Variants in PCDHGA7 observed in about 807,000 individuals in gnomAD.
PCDHGA7 encodes protocadherin gamma-A7.
PCDHGA7 carries 44 observed loss-of-function variants against 58.3 expected under a neutral mutation model. That is an observed-to-expected ratio of 0.75 (90% confidence interval 0.59 to 0.97). The LOEUF is 0.97. Ranked by LOEUF, PCDHGA7 falls within the 50% of genes least tolerant of loss-of-function variation. The pLI, the probability that PCDHGA7 is intolerant of heterozygous loss-of-function variation, is 0.00. For missense variants in PCDHGA7, 1,266 were observed against 1,188.7 expected (o/e 1.06, Z -0.96); for synonymous variants, 516 against 504.2 (o/e 1.02, Z -0.31).
intron 1 of PCDHGA7, chr5:141,409,895 C>T (rs928044268): frequency 2.5e-6 from 4 of 1,613,098 alleles, no homozygotes; most frequent in Non-Finnish European, 3.4e-6. Flanking sequence ...GGTGCTGTAC[C>T]CAGCTCTGGG....
chr5:141,394,177 C>T (rs2092934633), intron 1 of PCDHGA7: 1 of 1,613,912 alleles, frequency 6.2e-7, no homozygotes, highest in East Asian at 2.2e-5. Context: ...TTCCCTCATG[C>T]CTCCTACTCA....
At chr5:141,403,748 G>A in intron 1 of PCDHGA7, 1 of 1,613,956 alleles carries the variant, frequency 6.2e-7, no homozygotes, top group East Asian at 2.2e-5. Context: ...TACTGCAACA[G>A]CCAGCGACCT....
intron 1 of PCDHGA7, chr5:141,394,595 G>A: frequency 6.2e-7 from 1 of 1,613,740 alleles, no homozygotes; most frequent in Non-Finnish European, 8.5e-7. Flanking sequence ...TGGTGGCGGT[G>A]GACAGAGACT....
chr5:141,504,728 G>A (rs978910481), intron 2 of PCDHGA7, among the ~76,000 whole-genome samples: 5 of 151,522 alleles, frequency 3.3e-5, no homozygotes, highest in African/African-American at 9.7e-5. Context: ...TACTCTGAGG[G>A]CTTAGGAAGC....
chr5:141,475,080 C>T (rs963278755), intron 1 of PCDHGA7, among the ~76,000 whole-genome samples: 3 of 152,128 alleles, frequency 2.0e-5, no homozygotes, highest in South Asian at 4.1e-4. Flanking sequence ...GCCATTATTT[C>T]AATAATTTTA....
At chr5:141,479,470 T>G (rs2099497188) in intron 1 of PCDHGA7, 1 of 152,250 alleles carries the variant, frequency 6.6e-6, no homozygotes, top group African/African-American at 2.4e-5. Context: ...CAGTGACCTC[T>G]TGGGAGGGCA....
At chr5:141,470,942 C>T (rs1156728317) in intron 1 of PCDHGA7, among the ~76,000 whole-genome samples, 1 of 152,020 alleles carries the variant, frequency 6.6e-6, no homozygotes, top group Non-Finnish European at 1.5e-5. Context: ...GTCTCAAATT[C>T]CTGGCCTCAA....
intron 3 of PCDHGA7, among the ~76,000 whole-genome samples, chr5:141,506,363 C>T (rs1013247178): frequency 4.0e-5 from 6 of 150,792 alleles, no homozygotes; most frequent in South Asian, 4.2e-4. Context: ...GCAGGAGAAT[C>T]GCTTGAACCT....
rs369942815 is a variant in PCDHGA7, at chr5:141,485,334, T to A, written c.2425-9473T>A. 5.4e-5 allele frequency: 87 copies of A among 1,614,056 alleles called. No individual in the cohort carries two copies. Among genetic ancestry groups the A allele is most frequent in the Non-Finnish European group, 7.0e-5 (83 of 1,180,026 alleles). On this transcript the variant is annotated intron_variant, in intron 1 of 3. Coordinates refer to ENST00000518325, the MANE Select transcript of PCDHGA7 (RefSeq NM_018920.4). The surrounding 1 kb of genome is among the most constrained non-coding windows in gnomAD (Gnocchi z 5.7). Reference sequence around the variant, plus strand: ...GGGAATGTCGCTCAAGATTTCCTGCTGGATACGGACAGTCTGTCAGCTCGC... The same window carrying A: ...GGGAATGTCGCTCAAGATTTCCTGCAGGATACGGACAGTCTGTCAGCTCGC...
At chr5:141,395,543 TGTGTG>T in intron 1 of PCDHGA7, 1 of 8,204 alleles carries the variant, frequency 1.2e-4, no homozygotes, top group Non-Finnish European at 2.0e-4. Context: ...TGCTATTGTT[TGTGTG>T]TGTGTGTGTG....
chr5:141,487,421 C>G lies in PCDHGA7; in HGVS notation c.2425-7386C>G. On this transcript the variant is annotated intron_variant, in intron 1 of 3. Transcript: ENST00000518325. This position sits in a 1 kb window ranked among gnomAD's most constrained non-coding sequence, Gnocchi z 5.0. ...GGGGCTTCCCCCTTCCAATGGGATC[C>G]TCCGAATCCAGCTAGGGTCAGATGA... 1 of 1,614,144 alleles carries G rather than the reference C, an allele frequency of 6.2e-7. No individual in the cohort carries two copies. The highest frequency in any genetic ancestry group is 8.5e-7 in the Non-Finnish European group (1 of 1,180,022).
Position 141,491,522 on chromosome 5 carries a change from A to G in PCDHGA7, c.2425-3285A>G, listed in dbSNP as rs778246278. ...TCGGACGGCACGCTCAAGTACATGG[A>G]GGTGACGCTGCGGCCCACAGACTCG... is the stretch of plus-strand genomic sequence containing the variant. On this transcript the variant is annotated intron_variant, in intron 1 of 3. Coordinates refer to ENST00000518325, the MANE Select transcript of PCDHGA7 (RefSeq NM_018920.4). The surrounding 1 kb of genome is among the most constrained non-coding windows in gnomAD (Gnocchi z 6.9). 8.1e-6 allele frequency: 13 copies of G among 1,614,024 alleles called. No homozygotes were observed. Among genetic ancestry groups the G allele is most frequent in the Non-Finnish European group, 1.1e-5 (13 of 1,180,002 alleles).
chr5:141,486,578 C>A lies in PCDHGA7; in HGVS notation c.2425-8229C>A, dbSNP rs780578882. 5 of 1,613,610 alleles carry A rather than the reference C, an allele frequency of 3.1e-6. No homozygotes were observed. In the Admixed American group the frequency reaches 6.7e-5, roughly 22 times the overall value. On this transcript the variant is annotated intron_variant, in intron 1 of 3. Coordinates refer to ENST00000518325, the MANE Select transcript of PCDHGA7 (RefSeq NM_018920.4). The surrounding 1 kb of genome is among the most constrained non-coding windows in gnomAD (Gnocchi z 5.0). Reference sequence around the variant, plus strand: ...TGAGGTGTTTGTTCCTGAGAACAATCGCCCAGGGGACCTGCTTTGCTCCCT... The same window carrying A: ...TGAGGTGTTTGTTCCTGAGAACAATAGCCCAGGGGACCTGCTTTGCTCCCT...
chr5:141,395,016 G>A (rs772379480), intron 1 of PCDHGA7: 2 of 1,614,068 alleles, frequency 1.2e-6, no homozygotes, highest in Non-Finnish European at 1.7e-6. Flanking sequence ...ATTGGTAGGC[G>A]TGCCTGCCTC....
intron 1 of PCDHGA7, chr5:141,388,285 C>T (rs773340535): frequency 1.9e-6 from 3 of 1,613,200 alleles, no homozygotes; most frequent in Non-Finnish European, 2.5e-6. Flanking sequence ...CCAAAATTCA[C>T]GCAAAATTCC....
rs1403789987 is a variant in PCDHGA7 at position 141,511,845 on chromosome 5, T to C, written c.*672T>C. The C allele has an allele frequency of 6.4e-6, 1 of 156,740 alleles. No individual in the cohort carries two copies. The highest frequency in any genetic ancestry group is 1.4e-5 in the Non-Finnish European group (1 of 70,694). 9.7% of individuals were successfully genotyped at this position (156,740 alleles called of 1,614,324 possible). A position where few individuals can be genotyped will look rare whatever the true frequency, so the allele number is the denominator to read the frequency against. On this transcript the variant is annotated 3_prime_UTR_variant, in exon 4 of 4. Transcript: ENST00000518325. ...AACGCCCTGGGGACCAGTCTTCTGT[T>C]TTGTTTTTCATTGTTTGACGTTTCC...
intron 1 of PCDHGA7, among the ~76,000 whole-genome samples, chr5:141,457,274 C>T (rs1307741345): frequency 1.3e-5 from 2 of 152,200 alleles, no homozygotes; most frequent in Non-Finnish European, 2.9e-5. Context: ...CCTCTGTGGG[C>T]CTACGAAGTT....
Position 141,456,380 on chromosome 5 carries a change from C to T in PCDHGA7, c.2425-38427C>T, listed in dbSNP as rs186993611. ...CCATGTGTGGTTCAGTTTACAGCAC[C>T]GTTTGGAGTTTGATTGCTTCTAGGC... is the stretch of plus-strand genomic sequence containing the variant. On this transcript the variant is annotated intron_variant, in intron 1 of 3. Coordinates refer to ENST00000518325, the MANE Select transcript of PCDHGA7 (RefSeq NM_018920.4). Among the ~76,000 whole-genome samples, 427 of 152,082 alleles carry T rather than the reference C, an allele frequency of 2.8e-3. 1 individual carries two copies. Among genetic ancestry groups the T allele is most frequent in the Non-Finnish European group, 2.7e-3 (184 of 68,004 alleles).
intron 1 of PCDHGA7, among the ~76,000 whole-genome samples, chr5:141,433,837 C>CAAAAAAAA (rs56191208): frequency 1.9e-4 from 21 of 111,692 alleles, no homozygotes; most frequent in Admixed American, 5.9e-4. Context: ...AACTCTATCT[C>CAAAAAAAA]AAAAAAAAAA....
Sources: gnomAD v4.1 joint callset for allele counts (sites outside exome capture counted in the v4.1 genomes callset) on GRCh38, gnomAD v4.1.1 for gene constraint, Gnocchi (gnomAD v3.1) non-coding constraint, MANE v1.5 for transcripts, NCBI Gene and HGNC (gene_info 2026-07-23, HGNC 2026-07-21) for gene names.